Variants in MALRD1 observed in about 807,000 individuals in gnomAD.
The protein encoded by MALRD1 is MAM and LDL receptor class A domain containing 1.
A neutral mutation model predicts 242.1 loss-of-function variants in MALRD1; 247 were observed. That is an observed-to-expected ratio of 1.02 (90% CI 0.92 to 1.13). The LOEUF is 1.13. MALRD1 is among the 50% of genes most tolerant of loss of function. MALRD1 has a pLI of 0.00. For missense variants in MALRD1, 2,989 were observed against 2,533.1 expected, an observed-to-expected ratio of 1.18 and a Z score of -3.86; for synonymous variants, 995 against 866.6, an observed-to-expected ratio of 1.15 and a Z score of -2.60.
At chr10:19,575,527 T>C (rs1249922399) in intron 33 of MALRD1, among the ~76,000 whole-genome samples, 1 of 150,640 alleles carries the variant, frequency 6.6e-6, no homozygotes, top group African/African-American at 2.5e-5. Flanking sequence ...ACACACTTAC[T>C]CAGCATTACT....
intron 32 of MALRD1, among the ~76,000 whole-genome samples, chr10:19,532,337 C>T (rs113169790): frequency 6.6e-6 from 1 of 152,126 alleles, no homozygotes. Flanking sequence ...TCACTGGAAC[C>T]TCCGCCTCCC....
In MALRD1 at chr10:19,336,234, A is replaced by C. The variant is rs552660606; in HGVS notation, c.3901+4652A>C. Among the ~76,000 whole-genome samples the C allele has an allele frequency of 6.6e-5, 10 of 152,326 alleles. No individual in the cohort carries two copies. The South Asian group carries it at 1.7e-3, about 25-fold the overall frequency. ...TCTAAAATCTTATTTGAACATAATC[A>C]TGCCATTGATACAGAGACTTCTATG... On this transcript the variant is annotated intron_variant, in intron 24 of 39. Coordinates refer to ENST00000454679, the MANE Select transcript of MALRD1 (RefSeq NM_001142308.3).
At chr10:19,233,034 A>T (rs1212415733) in intron 18 of MALRD1, among the ~76,000 whole-genome samples, 2 of 151,990 alleles carry the variant, frequency 1.3e-5, no homozygotes, top group Admixed American at 1.3e-4. Context: ...TTAAAAAACA[A>T]TTTTTTTTAG....
intron 28 of MALRD1, among the ~76,000 whole-genome samples, chr10:19,430,294 A>G (rs28647991): frequency 2.7e-5 from 4 of 150,170 alleles, no homozygotes; most frequent in Non-Finnish European, 4.4e-5. Flanking sequence ...TTGTTTTTGT[A>G]TTTTTAGTAG....
At chr10:19,496,999 G>C (rs745998945) in intron 30 of MALRD1, among the ~76,000 whole-genome samples, 1 of 152,098 alleles carries the variant, frequency 6.6e-6, no homozygotes, top group Non-Finnish European at 1.5e-5. Flanking sequence ...AATTTATCCT[G>C]ATTGGATAAA....
chr10:19,271,039 G>T (rs1348376191), intron 19 of MALRD1, among the ~76,000 whole-genome samples: 2 of 152,010 alleles, frequency 1.3e-5, no homozygotes, highest in Non-Finnish European at 2.9e-5. Context: ...ATATACTGCT[G>T]GGAAGTATAG....
rs137901111 is a variant in MALRD1, at chr10:19,416,321, T to A, written c.4845+26712T>A. Among the ~76,000 whole-genome samples, 335 of 152,292 alleles carry A rather than the reference T, an allele frequency of 2.2e-3. 1 individual carries two copies. Among genetic ancestry groups the A allele is most frequent in the African/African-American group, 7.3e-3 (302 of 41,552 alleles). On this transcript the variant is annotated intron_variant, in intron 28 of 39. Coordinates refer to ENST00000454679, the MANE Select transcript of MALRD1 (RefSeq NM_001142308.3). ...CAGCATTTCCACAATATGTGATTTG[T>A]TGTTATCAGCCAGCACTATTCAATG...
intron 36 of MALRD1, among the ~76,000 whole-genome samples, chr10:19,667,799 G>T (rs1032544623): frequency 2.0e-5 from 3 of 151,942 alleles, no homozygotes; most frequent in Non-Finnish European, 4.4e-5. Context: ...AATTACCCAG[G>T]GTATTTCTTT....
Position 19,718,520 on chromosome 10 carries a change from C to T in MALRD1, c.6315-12186C>T, listed in dbSNP as rs138209226. Among the ~76,000 whole-genome samples, 184 of 152,278 alleles carry T rather than the reference C, an allele frequency of 1.2e-3. 1 individual carries two copies. The highest frequency in any genetic ancestry group is 1.9e-3 in the Non-Finnish European group (129 of 68,018). ...CTCACTCATCACCTAGGCGATGTGG[C>T]GCTAAGCCTTTCCTGGGGATCTGCC... On this transcript the variant is annotated intron_variant, in intron 38 of 39. Transcript: ENST00000454679.
At chr10:19,349,046 C>CCACCTGCCAGGTTCAAGTGGTT (rs1214100486) in intron 25 of MALRD1, among the ~76,000 whole-genome samples, 1 of 152,152 alleles carries the variant, frequency 6.6e-6, no homozygotes, top group African/African-American at 2.4e-5. Context: ...ACTGTAACAT[C>CCACCTGCCAGGTTCAAGTGGTT]CACCTGCCAG....
chr10:19,468,938 A>AT (rs147121210), intron 29 of MALRD1, among the ~76,000 whole-genome samples: 2 of 151,622 alleles, frequency 1.3e-5, no homozygotes, highest in Admixed American at 1.3e-4. Context: ...CCTCCTCTTA[A>AT]TTTTTTTAAT....
intron 36 of MALRD1, among the ~76,000 whole-genome samples, chr10:19,635,886 G>A (rs1015911375): frequency 1.1e-4 from 17 of 151,862 alleles, no homozygotes; most frequent in African/African-American, 3.4e-4. Flanking sequence ...ATTTTTTATT[G>A]TAGTTATTTA....
chr10:19,613,791 A>G (rs1229445041), intron 35 of MALRD1, among the ~76,000 whole-genome samples: 1 of 152,084 alleles, frequency 6.6e-6, no homozygotes, highest in African/African-American at 2.4e-5. Context: ...GAGCAATTCA[A>G]CCAGTCTGGG....
chr10:19,235,578 C>G lies in MALRD1; in HGVS notation c.2992-22106C>G, dbSNP rs868493940. On this transcript the variant is annotated intron_variant, in intron 18 of 39. Transcript: ENST00000454679. ...ACACACACACCCACACCCACACCCACAGAGAGAGAGAGAGAGAGAGAGAGA... is the reference window on the plus strand; with the variant it reads ...ACACACACACCCACACCCACACCCAGAGAGAGAGAGAGAGAGAGAGAGAGA... 7.5e-4 allele frequency among the ~76,000 whole-genome samples: 99 copies of G among 132,474 alleles called. 1 individual carries two copies. The highest frequency in any genetic ancestry group is 6.5e-3 in the East Asian group (28 of 4,330). 86.9% of individuals were successfully genotyped at this position (132,474 alleles called of 152,430 possible).
At chr10:19,628,999 G>A (rs949282477) in intron 36 of MALRD1, among the ~76,000 whole-genome samples, 5 of 152,036 alleles carry the variant, frequency 3.3e-5, no homozygotes, top group African/African-American at 9.7e-5. Flanking sequence ...AACTGCTCTC[G>A]CCCAGCTCAC....
chr10:19,548,886 C>T (rs985922379), intron 32 of MALRD1, among the ~76,000 whole-genome samples: 1 of 152,132 alleles, frequency 6.6e-6, no homozygotes, highest in Non-Finnish European at 1.5e-5. Flanking sequence ...GTGAGGAAAG[C>T]ATGTCGAAAG....
chr10:19,283,247 GCC>G lies in MALRD1; in HGVS notation c.3419+70_3419+71del, dbSNP rs369373106. 62 of 1,300,190 alleles carry G rather than the reference GCC, an allele frequency of 4.8e-5. No homozygotes were observed. The African/African-American group carries it at 8.5e-4, about 18-fold the overall frequency. The allele number at this position is 1,300,190 out of a possible 1,614,324, so 80.5% of individuals were successfully genotyped here. On this transcript the variant is annotated intron_variant, in intron 21 of 39. Coordinates refer to ENST00000454679, the MANE Select transcript of MALRD1 (RefSeq NM_001142308.3). ...TTTATTAAGCATCTCCCAAATTTCT[GCC>G]CCCACCACCTTATCCTAGGCCAATG... is the stretch of plus-strand genomic sequence containing the variant.
intron 26 of MALRD1, among the ~76,000 whole-genome samples, chr10:19,362,868 T>G (rs1327410642): frequency 6.6e-6 from 1 of 152,050 alleles, no homozygotes; most frequent in Non-Finnish European, 1.5e-5. Context: ...ACTAGTATGG[T>G]GGCAAAGAAG....
chr10:19,370,673 G>A (rs1220060295), intron 26 of MALRD1, among the ~76,000 whole-genome samples: 9 of 152,026 alleles, frequency 5.9e-5, no homozygotes, highest in Admixed American at 5.9e-4. Flanking sequence ...TGCCTCCTGG[G>A]TTCAAGTGAT....
Sources: allele counts gnomAD v4.1 joint callset (sites outside exome capture counted in the v4.1 genomes callset), GRCh38; gene constraint gnomAD v4.1.1; transcripts MANE v1.5; gene names NCBI Gene and HGNC (gene_info 2026-07-23, HGNC 2026-07-21).